The following SLC24A3 variants were observed in gnomAD, a reference collection of about 807,000 sequenced individuals.
SLC24A3 encodes sodium/potassium/calcium exchanger 3.
Under a neutral mutation model 75.8 loss-of-function variants are expected in SLC24A3, and 28 were observed. The ratio of observed to expected loss-of-function variants is 0.37; its 90% confidence interval spans 0.27 to 0.51. The LOEUF (loss-of-function observed/expected upper bound fraction) is 0.51, where lower values mean the gene tolerates loss of function less well. Among genes scored for constraint, SLC24A3 ranks in the 20% least tolerant of loss-of-function variants. The pLI, the probability that SLC24A3 is intolerant of heterozygous loss-of-function variation, is 0.94. For synonymous variants in SLC24A3, 372 were observed against 334.1 expected, an observed-to-expected ratio of 1.11 and a Z score of -1.24; for missense variants, 663 against 847.8, an observed-to-expected ratio of 0.78 and a Z score of 2.71.
intron 2 of SLC24A3, among the ~76,000 whole-genome samples, chr20:19,419,149 TAAAC>T (rs1218254437): frequency 3.3e-5 from 5 of 152,316 alleles, no homozygotes; most frequent in African/African-American, 9.6e-5. Context: ...TTTCAACTCA[TAAAC>T]AAAGAAGGAA....
At chr20:19,324,529 G>A (rs1984792991) in intron 2 of SLC24A3, among the ~76,000 whole-genome samples, 1 of 152,172 alleles carries the variant, frequency 6.6e-6, no homozygotes, top group Admixed American at 6.5e-5. Context: ...TGTCCCCCAG[G>A]GTTGTCCTGG....
At chr20:19,608,448 G>A (rs1049240058) in intron 6 of SLC24A3, among the ~76,000 whole-genome samples, 4 of 152,194 alleles carry the variant, frequency 2.6e-5, no homozygotes, top group Admixed American at 2.0e-4. Flanking sequence ...TCTACAACAT[G>A]AGTTAAAGTC....
At chr20:19,380,188 A>G (rs925239182) in intron 2 of SLC24A3, among the ~76,000 whole-genome samples, 12 of 152,218 alleles carry the variant, frequency 7.9e-5, no homozygotes, top group Non-Finnish European at 1.6e-4. Flanking sequence ...CAGAGAAGAA[A>G]GTGACACTGG....
chr20:19,556,210 G>A (rs6081648), intron 3 of SLC24A3, among the ~76,000 whole-genome samples: 1 of 151,976 alleles, frequency 6.6e-6, no homozygotes, highest in Admixed American at 6.6e-5. Context: ...TATAAATTTG[G>A]GGGGGACATA....
chr20:19,490,008 T>C (rs1269054435), intron 2 of SLC24A3, among the ~76,000 whole-genome samples: 1 of 152,142 alleles, frequency 6.6e-6, no homozygotes, highest in African/African-American at 2.4e-5. Flanking sequence ...CCTTGGTGTA[T>C]CTGGTTGGGG....
chr20:19,678,377 G>C (rs1242581107), intron 9 of SLC24A3, among the ~76,000 whole-genome samples: 2 of 128,932 alleles, frequency 1.6e-5, no homozygotes, highest in South Asian at 2.4e-4. Flanking sequence ...GCGGCTGGCC[G>C]GGCAGAGGGG....
intron 2 of SLC24A3, among the ~76,000 whole-genome samples, chr20:19,434,868 G>C (rs1266114782): frequency 2.6e-5 from 4 of 151,970 alleles, no homozygotes; most frequent in Non-Finnish European, 5.9e-5. Flanking sequence ...TTTCCTTCTT[G>C]CTGGCATCAT....
chr20:19,620,999 T>C (rs1051467180), intron 6 of SLC24A3, among the ~76,000 whole-genome samples: 3 of 152,226 alleles, frequency 2.0e-5, no homozygotes, highest in Non-Finnish European at 2.9e-5. Flanking sequence ...CAGATTCTTT[T>C]TGGAATGAGT....
At chr20:19,430,271 C>T (rs1239531244) in intron 2 of SLC24A3, among the ~76,000 whole-genome samples, 1 of 152,186 alleles carries the variant, frequency 6.6e-6, no homozygotes, top group Non-Finnish European at 1.5e-5. Flanking sequence ...TCTGGGCTCA[C>T]TGAAGACAGA....
chr20:19,691,228 A>T (rs1040019747), intron 12 of SLC24A3, among the ~76,000 whole-genome samples: 1 of 152,238 alleles, frequency 6.6e-6, no homozygotes, highest in Non-Finnish European at 1.5e-5. Flanking sequence ...GATGAGAGTT[A>T]TATTTAGATT....
intron 6 of SLC24A3, among the ~76,000 whole-genome samples, chr20:19,639,911 C>T (rs2032053410): frequency 6.6e-6 from 1 of 152,274 alleles, no homozygotes; most frequent in Admixed American, 6.5e-5. Context: ...GCAGGGCCGG[C>T]TGGCCGGCTG....
In SLC24A3 at chr20:19,696,851, T is replaced by C; in HGVS notation, c.1546T>C (p.Phe516Leu). 1 of 1,614,014 alleles carries C rather than the reference T, an allele frequency of 6.2e-7. No individual in the cohort carries two copies. Among genetic ancestry groups the C allele is most frequent in the Non-Finnish European group, 8.5e-7 (1 of 1,179,994 alleles). Residue 516 changes from phenylalanine to leucine, a missense_variant, in exon 14 of 17, where the codon TTC becomes CTC. Phe to Leu is a conservative substitution (Grantham distance 22). Transcript: ENST00000328041. ...GIPDVIMGITFLAAGTSVPDC... is the reference protein window; with the variant it reads ...GIPDVIMGITLLAAGTSVPDC... The stretch of plus-strand genomic sequence containing the variant: ...TCCTGACGTCATCATGGGGATCACC[T>C]TCCTGGCTGCTGGGACCAGCGTGCC...
chr20:19,503,736 A>G (rs1214558059), intron 2 of SLC24A3, among the ~76,000 whole-genome samples: 2 of 152,226 alleles, frequency 1.3e-5, no homozygotes, highest in Non-Finnish European at 2.9e-5. Context: ...ATGTCTTCCT[A>G]CAACAGCTAC....
intron 2 of SLC24A3, among the ~76,000 whole-genome samples, chr20:19,507,785 G>A (rs977500070): frequency 6.6e-6 from 1 of 152,180 alleles, no homozygotes; most frequent in Non-Finnish European, 1.5e-5. Flanking sequence ...TTGGGAGTTT[G>A]ACTGAGCTGT....
At chr20:19,693,674 G>C (rs1160897628) in intron 13 of SLC24A3, 2 of 415,736 alleles carry the variant, frequency 4.8e-6, no homozygotes, top group Admixed American at 3.9e-5. Context: ...TCAGGCTTCA[G>C]GGTGGTCATG....
intron 2 of SLC24A3, among the ~76,000 whole-genome samples, chr20:19,440,114 C>T (rs1336321913): frequency 6.6e-6 from 1 of 152,216 alleles, no homozygotes; most frequent in Non-Finnish European, 1.5e-5. Flanking sequence ...GCACTGAAAA[C>T]AGACATCGTT....
intron 2 of SLC24A3, among the ~76,000 whole-genome samples, chr20:19,355,762 A>G (rs1985668425): frequency 6.6e-6 from 1 of 152,182 alleles, no homozygotes; most frequent in South Asian, 2.1e-4. Flanking sequence ...TGAGCCTAAT[A>G]ACTCCTGTCA....
At chr20:19,384,386 G>A (rs1388526942) in intron 2 of SLC24A3, among the ~76,000 whole-genome samples, 1 of 152,148 alleles carries the variant, frequency 6.6e-6, no homozygotes, top group Non-Finnish European at 1.5e-5. Flanking sequence ...GCTTCCAGGA[G>A]CTTGACTTTT....
At chr20:19,679,261 G>A (rs1271197743) in intron 9 of SLC24A3, among the ~76,000 whole-genome samples, 1 of 152,184 alleles carries the variant, frequency 6.6e-6, no homozygotes, top group Non-Finnish European at 1.5e-5. Context: ...AGCACCTCCG[G>A]AGGCCGAGGC....
Sources: allele counts gnomAD v4.1 joint callset (sites outside exome capture counted in the v4.1 genomes callset), GRCh38; gene constraint gnomAD v4.1.1; transcripts MANE v1.5; gene names NCBI Gene and HGNC (gene_info 2026-07-23, HGNC 2026-07-21).